CCDC138: variants seen among roughly 807,000 people sequenced by gnomAD.
CCDC138 encodes coiled-coil domain containing 138.
Under a neutral mutation model 82.3 loss-of-function variants are expected in CCDC138, and 66 were observed. The observed-to-expected ratio is 0.80, with a 90% CI of 0.66 to 0.98. The LOEUF (loss-of-function observed/expected upper bound fraction) is 0.98. Ranked by LOEUF, CCDC138 falls within the 50% of genes least tolerant of loss-of-function variation. CCDC138 has a pLI of 0.00. For missense variants in CCDC138, 816 were observed against 758.9 expected, an observed-to-expected ratio of 1.08 and a Z score of -0.88; for synonymous variants, 297 against 265.4, an observed-to-expected ratio of 1.12 and a Z score of -1.16.
chr2:108,840,879 T>C (rs1689351493), intron 11 of CCDC138, among the ~76,000 whole-genome samples: 1 of 152,106 alleles, frequency 6.6e-6, no homozygotes, highest in African/African-American at 2.4e-5. Context: ...TGGCACAGTC[T>C]CGGCTCATTG....
intron 13 of CCDC138, among the ~76,000 whole-genome samples, chr2:108,860,163 A>T (rs192973643): frequency 6.6e-6 from 1 of 151,770 alleles, no homozygotes; most frequent in African/African-American, 2.4e-5. Context: ...TGTTGTTTTG[A>T]TGTAAGCTAC....
chr2:108,859,501 A>T (rs1283865019), intron 13 of CCDC138, among the ~76,000 whole-genome samples: 2 of 152,110 alleles, frequency 1.3e-5, no homozygotes, highest in Admixed American at 1.3e-4. Context: ...AGTATTTCCT[A>T]GATTTTCTTC....
Position 108,788,929 on chromosome 2 carries a change from C to T in CCDC138, c.229C>T (p.Pro77Ser), listed in dbSNP as rs1317850202. The T allele has an allele frequency of 6.2e-7, 1 of 1,613,984 alleles. No individual in the cohort carries two copies. The highest frequency in any genetic ancestry group is 1.3e-5 in the African/African-American group (1 of 74,934). ...TGATGAAAGCAAGCATTGTAGAACA[C>T]CATTGGGCAGCTTATTCAAGCACGT... ...YSDESKHCRT[P>S]LGSLFKHVNV... The change falls in exon 3 of 15, where the codon CCA (proline) becomes TCA (serine). Residue 77 changes from proline to serine, a missense_variant. By Grantham distance (74) the Pro-to-Ser change is moderately conservative (BLOSUM62 -1). Coordinates refer to ENST00000295124, the MANE Select transcript of CCDC138 (RefSeq NM_144978.3).
chr2:108,876,588 A>G (rs1696041037), downstream of CCDC138: 1 of 162,158 alleles, frequency 6.2e-6, no homozygotes. Flanking sequence ...ACAGGGTTAA[A>G]TAATACTGTC....
intron 13 of CCDC138, among the ~76,000 whole-genome samples, chr2:108,862,395 T>C (rs1195301711): frequency 1.3e-5 from 2 of 152,158 alleles, no homozygotes; most frequent in Non-Finnish European, 2.9e-5. Flanking sequence ...GTAGTGTCAG[T>C]GGACCTAACT....
chr2:108,815,678 T>G (rs569905112), intron 9 of CCDC138, among the ~76,000 whole-genome samples: 2 of 151,956 alleles, frequency 1.3e-5, no homozygotes, highest in East Asian at 3.9e-4. Context: ...GACAGGCTGG[T>G]CTCGAACTCC....
chr2:108,791,463 A>G, intron 3 of CCDC138: 2 of 556,854 alleles, frequency 3.6e-6, no homozygotes, highest in Admixed American at 5.4e-5. Context: ...AAGTCTATTT[A>G]ATGTGTAGAA....
intron 6 of CCDC138, among the ~76,000 whole-genome samples, chr2:108,799,777 C>G (rs1391967007): frequency 6.6e-6 from 1 of 152,110 alleles, no homozygotes; most frequent in Non-Finnish European, 1.5e-5. Flanking sequence ...GCTATTTCCC[C>G]AAAGATTTCT....
At chr2:108,861,835 C>T (rs1487311253) in intron 13 of CCDC138, among the ~76,000 whole-genome samples, 1 of 152,104 alleles carries the variant, frequency 6.6e-6, no homozygotes, top group Non-Finnish European at 1.5e-5. Flanking sequence ...CCGCGCCCAG[C>T]CTAAACTTTC....
In CCDC138 at chr2:108,786,910, G is replaced by A. The variant is rs1678882711; in HGVS notation, c.88G>A (p.Asp30Asn). 4 of 1,534,560 alleles carry A rather than the reference G, an allele frequency of 2.6e-6. No homozygotes were observed. The African/African-American group carries it at 4.3e-5, about 16-fold the overall frequency. Residue 30 changes from aspartate (D) to asparagine (N), a missense_variant, in exon 1 of 15, where the codon GAC becomes AAC. Coordinates refer to ENST00000295124, the MANE Select transcript of CCDC138 (RefSeq NM_144978.3). ...CTACGGACTCGGGGGCAGCTGCCCC[G>A]ACGAGGTGAAGCCGCCGCCTGAGGT... The part of the protein sequence containing the change: ...SRYGLGGSCP[D>N]EYDFSNFYQS...
intron 9 of CCDC138, among the ~76,000 whole-genome samples, chr2:108,815,473 T>G (rs1269374052): frequency 7.2e-6 from 1 of 138,240 alleles, no homozygotes; most frequent in East Asian, 2.1e-4. Flanking sequence ...TTTTTTTTTT[T>G]TTTTTTTTTT....
intron 11 of CCDC138, among the ~76,000 whole-genome samples, chr2:108,845,635 G>A (rs370414611): frequency 6.8e-6 from 1 of 146,932 alleles, no homozygotes; most frequent in African/African-American, 2.5e-5. Flanking sequence ...GCAGTGGTGC[G>A]ACCTCGGCTC....
In CCDC138 at chr2:108,788,936, G is replaced by A; in HGVS notation, c.236G>A (p.Gly79Asp). ...AGCAAGCATTGTAGAACACCATTGG[G>A]CAGCTTATTCAAGCACGTAAATGTG... is the stretch of plus-strand genomic sequence containing the variant. ...DESKHCRTPL[G>D]SLFKHVNVNC... Residue 79 changes from glycine (G) to aspartate (D), a missense_variant, in exon 3 of 15, where the codon GGC (glycine) becomes GAC (aspartate). Coordinates refer to ENST00000295124, the MANE Select transcript of CCDC138 (RefSeq NM_144978.3). The A allele has an allele frequency of 1.2e-6, 2 of 1,614,030 alleles. No homozygotes were observed. Among genetic ancestry groups the A allele is most frequent in the Non-Finnish European group, 1.7e-6 (2 of 1,179,964 alleles).
At chr2:108,873,972 C>T (rs2105275100) in intron 14 of CCDC138, among the ~76,000 whole-genome samples, 1 of 152,198 alleles carries the variant, frequency 6.6e-6, no homozygotes, top group South Asian at 2.1e-4. Context: ...TAACGCTGAT[C>T]TAAGACCACA....
rs1692012073 is a variant in CCDC138, at chr2:108,853,895, A to ATAC, written c.1517-2897_1517-2896insCTA. Among the ~76,000 whole-genome samples the ATAC allele has an allele frequency of 7.5e-5, 9 of 119,546 alleles. No homozygotes were observed. The South Asian group carries it at 2.0e-3, about 26-fold the overall frequency. The allele number at this position is 119,546 out of a possible 152,430, so 78.4% of individuals were successfully genotyped here. A position where few individuals can be genotyped will look rare whatever the true frequency, so the allele number is the denominator to read the frequency against. On this transcript the variant is annotated intron_variant, in intron 12 of 14. Transcript: ENST00000295124. ...TACTATATAATATATTATATAGTAT[A>ATAC]TATATTATATATTATATAGTATATA...
intron 10 of CCDC138, among the ~76,000 whole-genome samples, chr2:108,827,886 A>T (rs1307447131): frequency 6.6e-6 from 1 of 152,020 alleles, no homozygotes; most frequent in African/African-American, 2.4e-5. Context: ...TTCCTGAAAA[A>T]AATTCATCAG....
At chr2:108,821,203 T>C (rs1284924511) in intron 10 of CCDC138, among the ~76,000 whole-genome samples, 1 of 151,594 alleles carries the variant, frequency 6.6e-6, no homozygotes, top group African/African-American at 2.4e-5. Flanking sequence ...ACTAAAAGTA[T>C]AAAAATTAGC....
At chr2:108,868,724 T>G (rs1267344132) in intron 13 of CCDC138, among the ~76,000 whole-genome samples, 1 of 152,176 alleles carries the variant, frequency 6.6e-6, no homozygotes, top group Non-Finnish European at 1.5e-5. Context: ...GTCCTCCTTT[T>G]TTGCTTTGTT....
chr2:108,882,123 C>T (rs934950090), intron 1 of CCDC138: 10 of 150,654 alleles, frequency 6.6e-5, no homozygotes, highest in African/African-American at 1.2e-4. Flanking sequence ...CAATGCACTC[C>T]GGTCTGGGCA....
Sources: allele counts gnomAD v4.1 joint callset (sites outside exome capture counted in the v4.1 genomes callset), GRCh38; gene constraint gnomAD v4.1.1; transcripts MANE v1.5; gene names NCBI Gene and HGNC (gene_info 2026-07-23, HGNC 2026-07-21).